The following TMOD1 variants were observed in gnomAD, a reference collection of about 807,000 sequenced individuals.
TMOD1 encodes tropomodulin-1.
In TMOD1, 17 loss-of-function variants were observed where a neutral mutation model predicts 40.6. The ratio of observed to expected loss-of-function variants is 0.42; its 90% CI spans 0.29 to 0.63. The LOEUF is 0.63. TMOD1 is among the 20% of genes least tolerant of loss of function. TMOD1 has a pLI of 0.22. For missense variants in TMOD1, 391 were observed against 447.6 expected, an observed-to-expected ratio of 0.87 and a Z score of 1.14; for synonymous variants, 181 against 175.0, an observed-to-expected ratio of 1.03 and a Z score of -0.27.
chr9:97,550,269 T>C (rs1302675147), intron 3 of TMOD1, among the ~76,000 whole-genome samples: 1 of 152,234 alleles, frequency 6.6e-6, no homozygotes, highest in Non-Finnish European at 1.5e-5. Flanking sequence ...TATCCATTCA[T>C]CCACTGGTAA....
At position 97,544,319 on chromosome 9, in the gene TMOD1, T is replaced by C. The variant is rs7857154; in HGVS notation, c.121-1866T>C. On this transcript the variant is annotated intron_variant, in intron 2 of 9. Coordinates refer to ENST00000259365, the MANE Select transcript of TMOD1 (RefSeq NM_003275.4). ...TAGGAAGGCCGAGGTGGGTGGATCATGAGGTCAGGAGTTCAAGACCAGCCT... is the reference window on the plus strand; with the variant it reads ...TAGGAAGGCCGAGGTGGGTGGATCACGAGGTCAGGAGTTCAAGACCAGCCT... 2.0e-3 allele frequency among the ~76,000 whole-genome samples: 300 copies of C among 152,212 alleles called. 4 individuals carry two copies. Among genetic ancestry groups the C allele is most frequent in the African/African-American group, 6.9e-3 (288 of 41,522 alleles).
At chr9:97,542,724 G>A (rs1456447044) in intron 2 of TMOD1, among the ~76,000 whole-genome samples, 6 of 151,960 alleles carry the variant, frequency 3.9e-5, no homozygotes. Flanking sequence ...ATGGTGGTGG[G>A]CATCTGTAGT....
chr9:97,596,339 C>G (rs963652176), intron 9 of TMOD1, among the ~76,000 whole-genome samples: 10 of 152,168 alleles, frequency 6.6e-5, no homozygotes, highest in Non-Finnish European at 1.3e-4. Flanking sequence ...CCACTTAGAA[C>G]CCTCACTTGC....
intron 1 of TMOD1, among the ~76,000 whole-genome samples, chr9:97,523,649 T>C (rs972011079): frequency 2.6e-5 from 4 of 152,222 alleles, no homozygotes; most frequent in African/African-American, 9.6e-5. Context: ...TAGCTATTTC[T>C]ATGAACTACT....
intron 8 of TMOD1, among the ~76,000 whole-genome samples, chr9:97,581,357 G>C (rs1447595510): frequency 6.6e-6 from 1 of 151,354 alleles, no homozygotes; most frequent in Non-Finnish European, 1.5e-5. Flanking sequence ...GTATTCCATG[G>C]TGTATATGTG....
At position 97,601,037 on chromosome 9, in the gene TMOD1, C is replaced by A; in HGVS notation, c.*1339C>A. ...GGTGATGAAAAGGTGAAGGCCTGCG[C>A]ACTGAACTGTAAGGCAGTGGGCAGT... On this transcript the variant is annotated 3_prime_UTR_variant, in exon 10 of 10. Transcript: ENST00000259365. The A allele has an allele frequency of 7.7e-7, 1 of 1,302,850 alleles. No individual in the cohort carries two copies. Among genetic ancestry groups the A allele is most frequent in the Non-Finnish European group, 1.0e-6 (1 of 988,238 alleles). 80.7% of individuals were successfully genotyped at this position (1,302,850 alleles called of 1,614,324 possible).
chr9:97,531,034 C>CA (rs1554754336), intron 2 of TMOD1, among the ~76,000 whole-genome samples: 7 of 76,420 alleles, frequency 9.2e-5, no homozygotes, highest in Admixed American at 4.3e-4. Context: ...GTGATCCACA[C>CA]CCACCCCCCC....
intron 8 of TMOD1, among the ~76,000 whole-genome samples, chr9:97,572,011 T>C (rs931416115): frequency 6.6e-6 from 1 of 152,138 alleles, no homozygotes; most frequent in African/African-American, 2.4e-5. Context: ...GTTGCAGAAA[T>C]GACCATCATA....
At chr9:97,596,000 G>A (rs1327151838) in intron 9 of TMOD1, among the ~76,000 whole-genome samples, 6 of 151,868 alleles carry the variant, frequency 4.0e-5, no homozygotes, top group Admixed American at 3.9e-4. Context: ...CTTGAACCCG[G>A]GAGGCAGAAA....
At chr9:97,595,496 C>T (rs1826091142) in intron 9 of TMOD1, among the ~76,000 whole-genome samples, 1 of 149,356 alleles carries the variant, frequency 6.7e-6, no homozygotes, top group Non-Finnish European at 1.5e-5. Flanking sequence ...ATAATGTTCT[C>T]CAATTCCACT....
intron 1 of TMOD1, among the ~76,000 whole-genome samples, chr9:97,519,286 C>T (rs901120280): frequency 6.6e-6 from 1 of 152,180 alleles, no homozygotes; most frequent in African/African-American, 2.4e-5. Flanking sequence ...TCCAACCTGC[C>T]GAGTGCTACT....
chr9:97,559,790 A>ATATATATAT (rs1211883354), intron 4 of TMOD1, among the ~76,000 whole-genome samples: 8 of 44,044 alleles, frequency 1.8e-4, no homozygotes, highest in Non-Finnish European at 2.7e-4. Flanking sequence ...AAAAAAAAAA[A>ATATATATAT]AAAAATATAT....
At chr9:97,517,878 G>A (rs1299549937) in intron 1 of TMOD1, 1 of 152,636 alleles carries the variant, frequency 6.6e-6, no homozygotes, top group African/African-American at 2.4e-5. Flanking sequence ...GGAGGACAGG[G>A]GGCTCGTGGG....
chr9:97,598,581 T>C (rs1466045292), intron 9 of TMOD1, among the ~76,000 whole-genome samples: 1 of 152,200 alleles, frequency 6.6e-6, no homozygotes, highest in Admixed American at 6.5e-5. Context: ...AAACCTCTTG[T>C]GCTCTTTGGG....
At chr9:97,540,019 A>AC (rs1830253347) in intron 2 of TMOD1, among the ~76,000 whole-genome samples, 3 of 151,994 alleles carry the variant, frequency 2.0e-5, no homozygotes, top group African/African-American at 7.2e-5. Context: ...AGAAAACAAA[A>AC]ATGCGCCATT....
At chr9:97,533,637 A>G (rs927013802) in intron 2 of TMOD1, among the ~76,000 whole-genome samples, 2 of 152,216 alleles carry the variant, frequency 1.3e-5, no homozygotes, top group African/African-American at 4.8e-5. Context: ...GAATAGCAAG[A>G]AACTGCTTCC....
chr9:97,565,904 T>C lies in TMOD1; in HGVS notation c.675T>C (p.Tyr225=), dbSNP rs1213345940. Residue 225 remains tyrosine (Y), a synonymous_variant, in exon 7 of 10, where the codon TAT becomes TAC. Transcript: ENST00000259365. ...AYAEALKENS[Y]VKKFSIVGTR... is the part of the protein sequence containing the mutation. Reference sequence around the variant, plus strand: ...CAGAAGCCCTGAAAGAAAACTCATATGTGAAGAAGTTCAGCATCGTGGGGA... The same window carrying C: ...CAGAAGCCCTGAAAGAAAACTCATACGTGAAGAAGTTCAGCATCGTGGGGA... 3.7e-6 allele frequency: 6 copies of C among 1,614,098 alleles called. No individual in the cohort carries two copies. The highest frequency in any genetic ancestry group is 2.7e-5 in the African/African-American group (2 of 74,950).
chr9:97,563,953 A>C, intron 5 of TMOD1, 85 bp from the exon 6 acceptor site: 3 of 1,520,114 alleles, frequency 2.0e-6, no homozygotes, highest in Non-Finnish European at 2.7e-6. Context: ...AACCCTGCAC[A>C]TGCTCCCTTC....
intron 1 of TMOD1, among the ~76,000 whole-genome samples, chr9:97,518,749 C>A (rs774539736): frequency 5.9e-5 from 9 of 152,128 alleles, no homozygotes; most frequent in Non-Finnish European, 1.0e-4. Context: ...GGACAGGGGA[C>A]ATTGCAGGTG....
Sources: allele counts gnomAD v4.1 joint callset (sites outside exome capture counted in the v4.1 genomes callset), GRCh38; gene constraint gnomAD v4.1.1; transcripts MANE v1.5; gene names NCBI Gene and HGNC (gene_info 2026-07-23, HGNC 2026-07-21).